CACNA1A: variants seen among roughly 807,000 people sequenced by gnomAD.
CACNA1A encodes the protein voltage-dependent P/Q-type calcium channel subunit alpha-1A.
In CACNA1A, 57 loss-of-function variants were observed where a neutral mutation model predicts 262.4. That is an observed-to-expected ratio of 0.22 (90% CI 0.18 to 0.27). CACNA1A has a LOEUF of 0.27. Among genes scored for constraint, CACNA1A ranks in the 10% least tolerant of loss-of-function variants. The probability of loss-of-function intolerance (pLI) is 1.00; values close to 1 mark genes in which losing one functional copy is unlikely to be tolerated. For synonymous variants in CACNA1A, 1,431 were observed against 1,419.3 expected, an observed-to-expected ratio of 1.01 and a Z score of -0.18; for missense variants, 2,526 against 3,562.8, an observed-to-expected ratio of 0.71 and a Z score of 7.41.
In CACNA1A at chr19:13,404,280, G is replaced by A. The variant is rs542018035; in HGVS notation, c.540-32501C>T. Among the ~76,000 whole-genome samples the A allele has an allele frequency of 9.3e-4, 141 of 152,272 alleles. 1 individual carries two copies. The highest frequency in any genetic ancestry group is 4.6e-3 in the South Asian group (22 of 4,828). On this transcript the variant is annotated intron_variant, in intron 3 of 46. Coordinates refer to ENST00000360228, the MANE Select transcript of CACNA1A (RefSeq NM_001127222.2). ...ATAATGGTCACAGCTTCCACCCGGA[G>A]CTCAGGAGCGTGGAGCAGGCCACCT...
chr19:13,340,395 G>A (rs2058657556), intron 6 of CACNA1A, among the ~76,000 whole-genome samples: 1 of 151,296 alleles, frequency 6.6e-6, no homozygotes, highest in African/African-American at 2.4e-5. Context: ...CATCCTCCCG[G>A]GTGAGAAAGC....
rs1159990235 is a variant in CACNA1A, at chr19:13,299,110, G to A, written c.2523C>T (p.Ala841=). Residue 841 remains alanine (A), a synonymous_variant, in exon 19 of 47, where the codon GCC becomes GCT. Coordinates refer to ENST00000360228, the MANE Select transcript of CACNA1A (RefSeq NM_001127222.2). ...CGAGGCGCTGGTCCACGGTGGGCTCGGCCGCCCGGCTCTTGTTGGTGTTGT... is the reference window on the plus strand; with the variant it reads ...CGAGGCGCTGGTCCACGGTGGGCTCAGCCGCCCGGCTCTTGTTGGTGTTGT... ...RNNNTNKSRA[A]EPTVDQRLGQ... 1.2e-6 allele frequency: 2 copies of A among 1,612,296 alleles called. No individual in the cohort carries two copies. The highest frequency in any genetic ancestry group is 1.7e-6 in the Non-Finnish European group (2 of 1,179,666).
chr19:13,333,050 C>A, intron 8 of CACNA1A, 125 bp from the exon 9 acceptor site: 1 of 664,098 alleles, frequency 1.5e-6, no homozygotes, highest in Non-Finnish European at 2.6e-6. Context: ...CTCAACCGAC[C>A]AAAAAACATG....
chr19:13,297,113 T>C (rs1039621544), intron 19 of CACNA1A, among the ~76,000 whole-genome samples: 1 of 152,176 alleles, frequency 6.6e-6, no homozygotes, highest in Non-Finnish European at 1.5e-5. Flanking sequence ...CGAGCACTTA[T>C]TATGTGTCAG....
chr19:13,359,202 G>A (rs537827065), intron 6 of CACNA1A, among the ~76,000 whole-genome samples: 8 of 152,180 alleles, frequency 5.3e-5, no homozygotes, highest in Non-Finnish European at 1.2e-4. Flanking sequence ...CTCATCCCAC[G>A]GGGAGTGGTA....
intron 19 of CACNA1A, among the ~76,000 whole-genome samples, chr19:13,293,730 A>G (rs1287293843): frequency 6.6e-6 from 1 of 151,218 alleles, no homozygotes; most frequent in African/African-American, 2.4e-5. Flanking sequence ...TGCTGGGATT[A>G]CAGGCATGAG....
At chr19:13,475,740 T>C (rs923074859) in intron 1 of CACNA1A, among the ~76,000 whole-genome samples, 4 of 152,106 alleles carry the variant, frequency 2.6e-5, no homozygotes, top group Non-Finnish European at 2.9e-5. Flanking sequence ...GAATTAAATC[T>C]AGATAGCAGT....
At chr19:13,253,271 T>C (rs2056450231) in intron 29 of CACNA1A, among the ~76,000 whole-genome samples, 170 bp from the exon 30 acceptor site, 1 of 150,878 alleles carries the variant, frequency 6.6e-6, no homozygotes, top group Admixed American at 6.6e-5. Flanking sequence ...TCCGCCGGAC[T>C]AGGCTCTTCT....
intron 3 of CACNA1A, among the ~76,000 whole-genome samples, chr19:13,433,031 T>C (rs913131502): frequency 3.4e-4 from 52 of 152,164 alleles, no homozygotes; most frequent in African/African-American, 8.7e-4. Context: ...ATCTGGCTCA[T>C]GCCTGTAATC....
At chr19:13,494,055 T>C (rs191266149) in intron 1 of CACNA1A, among the ~76,000 whole-genome samples, 98 of 152,370 alleles carry the variant, frequency 6.4e-4, no homozygotes, top group African/African-American at 1.8e-3. Flanking sequence ...GCTGGGGTAC[T>C]GAAATAGTAG....
At position 13,241,550 on chromosome 19, in the gene CACNA1A, G is replaced by T. The variant is rs768463715; in HGVS notation, c.4950+3632C>A. 2 of 1,398,954 alleles carry T rather than the reference G, an allele frequency of 1.4e-6. No homozygotes were observed. Among genetic ancestry groups the T allele is most frequent in the Non-Finnish European group, 9.8e-7 (1 of 1,016,504 alleles). 86.7% of individuals were successfully genotyped at this position (1,398,954 alleles called of 1,614,324 possible). A position where few individuals can be genotyped will look rare whatever the true frequency, so the allele number is the denominator to read the frequency against. ...TTCTAGATGCAGATGTTGAAGATGA[G>T]GGGGAGCGGGCGGGCGGGGGCAGTT... On this transcript the variant is annotated intron_variant, in intron 31 of 46. Coordinates refer to ENST00000360228, the MANE Select transcript of CACNA1A (RefSeq NM_001127222.2). This position sits in a 1 kb window ranked among gnomAD's most constrained non-coding sequence, Gnocchi z 4.0.
chr19:13,323,923 C>G (rs1328138236), intron 10 of CACNA1A, among the ~76,000 whole-genome samples: 1 of 152,112 alleles, frequency 6.6e-6, no homozygotes, highest in African/African-American at 2.4e-5. Context: ...TAAGTCTTTT[C>G]AGAACATCTG....
intron 1 of CACNA1A, among the ~76,000 whole-genome samples, chr19:13,482,955 T>C (rs1332062993): frequency 6.6e-6 from 1 of 150,960 alleles, no homozygotes; most frequent in Non-Finnish European, 1.5e-5. Context: ...CCTTCTCTAT[T>C]TCAGTAAGGG....
intron 24 of CACNA1A, 95 bp from the exon 25 acceptor site, chr19:13,262,928 C>T: frequency 1.2e-6 from 1 of 800,356 alleles, no homozygotes; most frequent in Non-Finnish European, 2.2e-6. Context: ...ACCCTACCCT[C>T]CCAGGCCTAG....
intron 31 of CACNA1A, chr19:13,244,942 C>G (rs1270948295): frequency 5.5e-6 from 3 of 549,490 alleles, no homozygotes; most frequent in Non-Finnish European, 9.8e-6. Context: ...TGCAGGAAAG[C>G]CCACCCCTCA....
chr19:13,342,162 G>A (rs2058686476), intron 6 of CACNA1A, among the ~76,000 whole-genome samples: 1 of 151,954 alleles, frequency 6.6e-6, no homozygotes, highest in Non-Finnish European at 1.5e-5. Context: ...GAAGAAGGTG[G>A]TGGAAGGCTG....
At chr19:13,267,807 G>A (rs2056900005) in intron 24 of CACNA1A, among the ~76,000 whole-genome samples, 2 of 151,694 alleles carry the variant, frequency 1.3e-5, no homozygotes, top group African/African-American at 2.4e-5. Flanking sequence ...TTGAGGCAGG[G>A]TCTCCCTCTG....
intron 6 of CACNA1A, among the ~76,000 whole-genome samples, chr19:13,345,759 CTG>C (rs1476325486): frequency 1.3e-5 from 2 of 152,136 alleles, no homozygotes; most frequent in African/African-American, 4.8e-5. Context: ...GTGAGAGAGG[CTG>C]TGTGTCCCAC....
chr19:13,335,594 A>C (rs2058550216), intron 7 of CACNA1A, among the ~76,000 whole-genome samples: 1 of 152,208 alleles, frequency 6.6e-6, no homozygotes, highest in African/African-American at 2.4e-5. Context: ...TAAAGAAAGT[A>C]AAGCCCATAT....
Sources: allele counts gnomAD v4.1 joint callset (sites outside exome capture counted in the v4.1 genomes callset), GRCh38; gene constraint gnomAD v4.1.1; non-coding constraint Gnocchi (gnomAD v3.1); transcripts MANE v1.5; gene names NCBI Gene and HGNC (gene_info 2026-07-23, HGNC 2026-07-21).